The following ATG7 variants were observed in gnomAD, a reference collection of about 807,000 sequenced individuals.
ATG7 encodes the protein ubiquitin-like modifier-activating enzyme ATG7.
A neutral mutation model predicts 82.4 loss-of-function variants in ATG7; 70 were observed. The observed-to-expected ratio is 0.85, with a 90% CI of 0.70 to 1.04. The LOEUF (loss-of-function observed/expected upper bound fraction) is 1.04. Among genes scored for constraint, ATG7 ranks in the 50% least tolerant of loss-of-function variants. The probability of loss-of-function intolerance (pLI) is 0.00; values close to 1 mark genes in which losing one functional copy is unlikely to be tolerated. For synonymous variants in ATG7, 287 were observed against 313.0 expected (o/e 0.92, Z 0.88); for missense variants, 792 against 864.3 (o/e 0.92, Z 1.05).
At chr3:11,361,371 G>A (rs765208431) in intron 16 of ATG7, among the ~76,000 whole-genome samples, 2 of 149,858 alleles carry the variant, frequency 1.3e-5, no homozygotes, top group Non-Finnish European at 1.5e-5. Context: ...TGCAACCTCT[G>A]CCTCCTGGGT....
At chr3:11,558,443 ATCCCT>A (rs1266898647), downstream of ATG7, 18 of 1,396,194 alleles carry the variant, frequency 1.3e-5, no homozygotes, top group African/African-American at 2.9e-5. Flanking sequence ...CAAATAAACC[ATCCCT>A]TCCCTTCCCC....
chr3:11,391,172 CAAA>C (rs1419482218), intron 19 of ATG7, among the ~76,000 whole-genome samples: 1 of 151,996 alleles, frequency 6.6e-6, no homozygotes, highest in Non-Finnish European at 1.5e-5. Context: ...TAGAAGTTGA[CAAA>C]AAAGGAGGGG....
Position 11,364,673 on chromosome 3 carries a change from C to T in ATG7, c.1814C>T (p.Ala605Val). Residue 605 changes from alanine (A) to valine (V), a missense_variant, in exon 18 of 21, where the codon GCC (alanine) becomes GTC (valine). By Grantham distance (64) the Ala-to-Val change is moderately conservative. Coordinates refer to ENST00000693202, the MANE Select transcript of ATG7 (RefSeq NM_001349232.2). ...CCTGTCCTCAGGGGCTATGCCATTGCCAGCAGCAGTGACGATCGGATGAAT... is the reference window on the plus strand; with the variant it reads ...CCTGTCCTCAGGGGCTATGCCATTGTCAGCAGCAGTGACGATCGGATGAAT... ...LQHPEGGYAIASSSDDRMNEP... is the reference protein window; with the variant it reads ...LQHPEGGYAIVSSSDDRMNEP... 1.2e-6 allele frequency: 2 copies of T among 1,614,152 alleles called. No homozygotes were observed. Among genetic ancestry groups the T allele is most frequent in the Admixed American group, 3.3e-5 (2 of 60,016 alleles).
At chr3:11,527,067 G>GTATATA (rs1157835767) in intron 20 of ATG7, among the ~76,000 whole-genome samples, 27 of 95,286 alleles carry the variant, frequency 2.8e-4, no homozygotes, top group Non-Finnish European at 4.4e-4. Flanking sequence ...GTGTGTGTGT[G>GTATATA]TGTGTATATA....
intron 20 of ATG7, among the ~76,000 whole-genome samples, chr3:11,534,566 C>G (rs1431661435): frequency 6.6e-6 from 1 of 152,266 alleles, no homozygotes; most frequent in Non-Finnish European, 1.5e-5. Context: ...TGCCGGGTGG[C>G]TACGTGCCGC....
At chr3:11,306,776 TA>T (rs1947820044) in intron 5 of ATG7, among the ~76,000 whole-genome samples, 166 bp from the exon 6 acceptor site, 1 of 152,296 alleles carries the variant, frequency 6.6e-6, no homozygotes, top group Admixed American at 6.5e-5. Context: ...GCCTGTTTTT[TA>T]GTTCTTGAGT....
intron 14 of ATG7, among the ~76,000 whole-genome samples, chr3:11,348,979 G>C (rs1955020585): frequency 6.6e-6 from 1 of 151,226 alleles, no homozygotes; most frequent in African/African-American, 2.4e-5. Flanking sequence ...AGTGCTGACT[G>C]GTGAGTTTTT....
At chr3:11,298,926 T>C in intron 4 of ATG7, 71 bp downstream of exon 4, 1 of 1,532,600 alleles carries the variant, frequency 6.5e-7, no homozygotes, top group Non-Finnish European at 8.9e-7. Context: ...AGTGTCAGCT[T>C]TCCTTTAGAA....
intron 20 of ATG7, among the ~76,000 whole-genome samples, chr3:11,516,932 A>G (rs780128092): frequency 3.3e-5 from 5 of 152,124 alleles, no homozygotes; most frequent in Non-Finnish European, 7.4e-5. Context: ...AAAATCCACA[A>G]ATTAGCCGGG....
chr3:11,409,128 TC>T (rs1181653005), intron 19 of ATG7, among the ~76,000 whole-genome samples: 1 of 152,234 alleles, frequency 6.6e-6, no homozygotes, highest in Non-Finnish European at 1.5e-5. Flanking sequence ...AGTTTCTTTT[TC>T]AGAGCAGAAA....
chr3:11,344,230 A>G (rs747701759), intron 13 of ATG7, among the ~76,000 whole-genome samples: 4 of 152,144 alleles, frequency 2.6e-5, no homozygotes, highest in Non-Finnish European at 5.9e-5. Context: ...ACCAACACTT[A>G]TATCTTCCTT....
chr3:11,539,962 T>C (rs2070688679), intron 20 of ATG7, among the ~76,000 whole-genome samples: 1 of 152,240 alleles, frequency 6.6e-6, no homozygotes, highest in South Asian at 2.1e-4. Flanking sequence ...AATTGTTTAC[T>C]CACTCACCTG....
chr3:11,445,643 A>G lies in ATG7; in HGVS notation c.2079+18717A>G, dbSNP rs188842396. On this transcript the variant is annotated intron_variant, in intron 20 of 20. Coordinates refer to ENST00000693202, the MANE Select transcript of ATG7 (RefSeq NM_001349232.2). ...AAGTCCCCATGTCATGGGTTTACCT[A>G]TATAATAAGCCTGCACATATACCCC... 3.3e-5 allele frequency among the ~76,000 whole-genome samples: 5 copies of G among 152,330 alleles called. No individual in the cohort carries two copies. In the East Asian group the frequency reaches 5.8e-4, roughly 18 times the overall value.
intron 13 of ATG7, among the ~76,000 whole-genome samples, chr3:11,344,227 C>T (rs886352865): frequency 2.6e-5 from 4 of 152,174 alleles, no homozygotes; most frequent in Non-Finnish European, 5.9e-5. Flanking sequence ...CTCACCAACA[C>T]TTATATCTTC....
chr3:11,565,030 G>C, the ATG7 span: 1 of 1,472,336 alleles, frequency 6.8e-7, no homozygotes, highest in Non-Finnish European at 9.0e-7. This position sits in a 1 kb window ranked among gnomAD's most constrained non-coding sequence, Gnocchi z 4.1. Context: ...CTGAAAAAGA[G>C]GAATGGGCAT....
rs1157892783 is a variant in ATG7 at position 11,316,700 on chromosome 3, C to A, written c.678+1207C>A. On this transcript the variant is annotated intron_variant, in intron 9 of 20. Coordinates refer to ENST00000693202, the MANE Select transcript of ATG7 (RefSeq NM_001349232.2). ...CTTGTCTGAGGCCCTCAATAAAATT[C>A]TTTTGAGTGAATGAAAGAGTACCGT... is the stretch of plus-strand genomic sequence containing the variant. Among the ~76,000 whole-genome samples, 5 of 152,136 alleles carry A rather than the reference C, an allele frequency of 3.3e-5. No individual in the cohort carries two copies. The East Asian group carries it at 7.7e-4, about 23-fold the overall frequency.
chr3:11,501,184 G>T (rs529361490), intron 20 of ATG7, among the ~76,000 whole-genome samples: 112 of 152,366 alleles, frequency 7.4e-4, no homozygotes, highest in African/African-American at 2.6e-3. Context: ...ATCCTGGGAA[G>T]TTGAGGCTGC....
chr3:11,480,576 C>T (rs2088838861), intron 20 of ATG7, among the ~76,000 whole-genome samples: 1 of 151,580 alleles, frequency 6.6e-6, no homozygotes, highest in Non-Finnish European at 1.5e-5. Context: ...TTTCAAGAAA[C>T]AGACAAAAAA....
chr3:11,565,415 G>A, the ATG7 span, among the ~76,000 whole-genome samples: 342 of 152,246 alleles, frequency 2.2e-3, 1 homozygote, highest in African/African-American at 7.8e-3. This position sits in a 1 kb window ranked among gnomAD's most constrained non-coding sequence, Gnocchi z 4.1. Flanking sequence ...CACTGGCTGC[G>A]TCCTACATGC....
Sources: gnomAD v4.1 joint callset for allele counts (sites outside exome capture counted in the v4.1 genomes callset) on GRCh38, gnomAD v4.1.1 for gene constraint, Gnocchi (gnomAD v3.1) non-coding constraint, MANE v1.5 for transcripts, NCBI Gene and HGNC (gene_info 2026-07-23, HGNC 2026-07-21) for gene names.